The following ADGRL2 variants were observed in gnomAD, a reference collection of about 807,000 sequenced individuals.
ADGRL2 encodes the protein adhesion G protein-coupled receptor L2.
A neutral mutation model predicts 157.4 loss-of-function variants in ADGRL2; 44 were observed. That is an observed-to-expected ratio of 0.28 (90% confidence interval 0.22 to 0.36). The LOEUF is 0.36. Among genes scored for constraint, ADGRL2 ranks in the 10% least tolerant of loss-of-function variants. ADGRL2 has a pLI of 1.00. For synonymous variants in ADGRL2, 585 were observed against 624.7 expected, an observed-to-expected ratio of 0.94 and a Z score of 0.95; for missense variants, 1,510 against 1,768.9, an observed-to-expected ratio of 0.85 and a Z score of 2.63.
intron 3 of ADGRL2, among the ~76,000 whole-genome samples, chr1:81,583,994 A>T (rs988748174): frequency 6.6e-6 from 1 of 152,160 alleles, no homozygotes; most frequent in Non-Finnish European, 1.5e-5. Flanking sequence ...ACTGTGGGTG[A>T]AACCCCAGAC....
chr1:81,716,023 A>T (rs911273051), intron 1 of ADGRL2, among the ~76,000 whole-genome samples: 15 of 152,228 alleles, frequency 9.9e-5, no homozygotes, highest in African/African-American at 3.6e-4. Flanking sequence ...ATTTCATATG[A>T]AAATGGGGCA....
At position 81,715,810 on chromosome 1, in the gene ADGRL2, A is replaced by C. The variant is rs192542464; in HGVS notation, c.-143+16002A>C. ...GAACCTAATGAGGAACAGAAGTCAAAAGAAGTAGAGTTCTTAGGTCTCCTG... is the reference window on the plus strand; with the variant it reads ...GAACCTAATGAGGAACAGAAGTCAACAGAAGTAGAGTTCTTAGGTCTCCTG... On this transcript the variant is annotated intron_variant, in intron 1 of 20. Coordinates refer to the ADGRL2 transcript ENST00000359929. 1.5e-3 allele frequency among the ~76,000 whole-genome samples: 228 copies of C among 152,224 alleles called. 1 individual carries two copies. The highest frequency in any genetic ancestry group is 5.3e-3 in the African/African-American group (222 of 41,538).
chr1:81,407,251 C>T (rs914361037), intron 1 of ADGRL2, among the ~76,000 whole-genome samples: 3 of 152,158 alleles, frequency 2.0e-5, no homozygotes, highest in Non-Finnish European at 4.4e-5. Flanking sequence ...GACTTTCAAA[C>T]CCCCATTGCC....
At chr1:81,411,026 T>C (rs11163280) in intron 1 of ADGRL2, among the ~76,000 whole-genome samples, 58,012 of 152,116 alleles carry the variant, frequency 0.38, 11,187 homozygotes, top group East Asian at 0.49. Context: ...GGAAAATGTC[T>C]ATACTTAGTT....
intron 1 of ADGRL2, among the ~76,000 whole-genome samples, chr1:81,718,333 T>C (rs552268568): frequency 6.6e-6 from 1 of 152,324 alleles, no homozygotes; most frequent in South Asian, 2.1e-4. Context: ...AGATTGTCCA[T>C]ATTTTCTTAA....
intron 2 of ADGRL2, among the ~76,000 whole-genome samples, chr1:81,511,726 A>G (rs2079081932): frequency 6.6e-6 from 1 of 152,096 alleles, no homozygotes; most frequent in Non-Finnish European, 1.5e-5. Flanking sequence ...GTCAAAAGCA[A>G]ATCATGTTTC....
At chr1:81,772,853 T>C (rs2086431397) in intron 2 of ADGRL2, among the ~76,000 whole-genome samples, 2 of 152,228 alleles carry the variant, frequency 1.3e-5, no homozygotes, top group Non-Finnish European at 2.9e-5. Flanking sequence ...TTAATATTTT[T>C]GTTTTCAAAC....
At chr1:81,440,093 G>C (rs113215191) in intron 1 of ADGRL2, among the ~76,000 whole-genome samples, 12 of 152,278 alleles carry the variant, frequency 7.9e-5, no homozygotes, top group African/African-American at 2.6e-4. Context: ...AGGTGCGTAC[G>C]ACAATGTAGA....
intron 2 of ADGRL2, among the ~76,000 whole-genome samples, chr1:81,559,880 A>G (rs979220199): frequency 1.3e-5 from 2 of 152,226 alleles, no homozygotes; most frequent in African/African-American, 4.8e-5. Context: ...ATAGTTTAAT[A>G]TTAAACATCT....
At chr1:81,401,463 T>C (rs1001158841) in intron 1 of ADGRL2, among the ~76,000 whole-genome samples, 10 of 152,190 alleles carry the variant, frequency 6.6e-5, no homozygotes, top group Admixed American at 3.9e-4. Flanking sequence ...CTTCCTTCTG[T>C]TCTCTATGTG....
chr1:81,655,532 T>C (rs192149690), intron 3 of ADGRL2, among the ~76,000 whole-genome samples: 1 of 152,312 alleles, frequency 6.6e-6, no homozygotes, highest in African/African-American at 2.4e-5. Flanking sequence ...AAAGTTCCAG[T>C]TAAGTCAAGT....
In ADGRL2 at chr1:81,979,013, A is replaced by T. The variant is rs75967907; in HGVS notation, c.3022-856A>T. Among the ~76,000 whole-genome samples the T allele has an allele frequency of 5.0e-3, 752 of 151,912 alleles. 21 individuals carry two copies. In the East Asian group the frequency reaches 0.069, roughly 14 times the overall value. ...TCTATTTTTGGAGCATAAAAATGGA[A>T]CTGCCTCCTCTTCTTCCAACATTCT... is the stretch of plus-strand genomic sequence containing the variant. On this transcript the variant is annotated intron_variant, in intron 17 of 23. Coordinates refer to ENST00000686636, the MANE Select transcript of ADGRL2 (RefSeq NM_001366006.2).
At chr1:81,539,280 A>G (rs573009202) in intron 2 of ADGRL2, among the ~76,000 whole-genome samples, 2 of 152,246 alleles carry the variant, frequency 1.3e-5, no homozygotes, top group East Asian at 3.9e-4. Context: ...TTCAATTATT[A>G]TGACAACCAA....
intron 22 of ADGRL2, 183 bp downstream of exon 22, chr1:81,987,212 G>C (rs940958845): frequency 4.4e-6 from 6 of 1,353,030 alleles, no homozygotes; most frequent in Non-Finnish European, 6.2e-6. Flanking sequence ...TATAGTAAAA[G>C]CTCAGTCATG....
intron 2 of ADGRL2, among the ~76,000 whole-genome samples, chr1:81,513,709 A>G (rs1035192483): frequency 6.6e-6 from 1 of 152,162 alleles, no homozygotes; most frequent in Non-Finnish European, 1.5e-5. Flanking sequence ...TAGGAAGGCA[A>G]GAAGAGGAAG....
chr1:81,447,228 T>C (rs2077614935), intron 2 of ADGRL2, among the ~76,000 whole-genome samples: 1 of 152,176 alleles, frequency 6.6e-6, no homozygotes. Context: ...TTTTTTTCTT[T>C]TTCCTGACTT....
intron 3 of ADGRL2, among the ~76,000 whole-genome samples, chr1:81,917,765 T>C (rs188562491): frequency 1.5e-4 from 23 of 152,266 alleles, no homozygotes; most frequent in Admixed American, 1.3e-3. Flanking sequence ...TTTCTGTTTG[T>C]TTTTTCAGAC....
At chr1:81,874,176 A>G (rs2093769906) in intron 2 of ADGRL2, among the ~76,000 whole-genome samples, 1 of 152,100 alleles carries the variant, frequency 6.6e-6, no homozygotes. Context: ...TTCAGTCTTC[A>G]TGGCTCCCTT....
intron 1 of ADGRL2, among the ~76,000 whole-genome samples, chr1:81,394,277 C>T (rs1036301267): frequency 6.6e-6 from 1 of 152,114 alleles, no homozygotes; most frequent in East Asian, 1.9e-4. Context: ...TTTATAGTCA[C>T]TATATGGTAC....
Sources: allele counts gnomAD v4.1 joint callset (sites outside exome capture counted in the v4.1 genomes callset), GRCh38; gene constraint gnomAD v4.1.1; transcripts MANE v1.5; gene names NCBI Gene and HGNC (gene_info 2026-07-23, HGNC 2026-07-21).